Variants in DLG2 observed in about 807,000 individuals in gnomAD.
The protein encoded by DLG2 is discs large MAGUK scaffold protein 2.
Under a neutral mutation model 132.5 loss-of-function variants are expected in DLG2, and 45 were observed. That is an observed-to-expected ratio of 0.34 (90% CI 0.27 to 0.44). The LOEUF is 0.44. Ranked by LOEUF, DLG2 falls within the 20% of genes least tolerant of loss-of-function variation. DLG2 has a pLI of 1.00. For synonymous variants in DLG2, 424 were observed against 419.6 expected, an observed-to-expected ratio of 1.01 and a Z score of -0.13; for missense variants, 1,045 against 1,196.9, an observed-to-expected ratio of 0.87 and a Z score of 1.87.
intron 6 of DLG2, among the ~76,000 whole-genome samples, chr11:85,017,883 G>C (rs1451482787): frequency 1.3e-5 from 2 of 152,136 alleles, no homozygotes; most frequent in Non-Finnish European, 2.9e-5. Flanking sequence ...AGATGTCCAA[G>C]ACACGTTGGA....
At chr11:84,601,529 T>A (rs1227087681) in intron 6 of DLG2, among the ~76,000 whole-genome samples, 2 of 151,954 alleles carry the variant, frequency 1.3e-5, no homozygotes, top group African/African-American at 4.8e-5. Flanking sequence ...GCATGACTTA[T>A]GACAGTGAGA....
intron 14 of DLG2, among the ~76,000 whole-genome samples, chr11:83,959,041 T>C (rs1432367162): frequency 6.6e-6 from 1 of 152,098 alleles, no homozygotes; most frequent in African/African-American, 2.4e-5. Context: ...AGCTTTATTT[T>C]CCAAAAATTG....
intron 6 of DLG2, among the ~76,000 whole-genome samples, chr11:84,780,829 T>C (rs2071619501): frequency 6.6e-6 from 1 of 152,134 alleles, no homozygotes; most frequent in African/African-American, 2.4e-5. Context: ...CTTCCAGGTA[T>C]ATTCATCTTA....
At chr11:84,317,181 C>G in intron 7 of DLG2, 1 of 1,574,694 alleles carries the variant, frequency 6.4e-7, no homozygotes, top group Non-Finnish European at 8.6e-7. Flanking sequence ...TTGGTCAGCT[C>G]TGCACAGAAA....
chr11:84,992,178 GTCT>G (rs2154125873), intron 6 of DLG2, among the ~76,000 whole-genome samples: 2 of 152,116 alleles, frequency 1.3e-5, no homozygotes, highest in East Asian at 3.9e-4. Context: ...TCTTGGGGAA[GTCT>G]TCTCTGAACC....
intron 6 of DLG2, among the ~76,000 whole-genome samples, chr11:85,058,130 A>T (rs1469654024): frequency 1.3e-5 from 2 of 151,538 alleles, no homozygotes; most frequent in African/African-American, 2.4e-5. Context: ...CAATTAATTC[A>T]AATTATTTAC....
chr11:85,065,896 A>G (rs2064844774), intron 6 of DLG2, among the ~76,000 whole-genome samples: 1 of 151,586 alleles, frequency 6.6e-6, no homozygotes, highest in African/African-American at 2.4e-5. Context: ...ATTTAACATC[A>G]CACCTCAAAG....
intron 21 of DLG2, among the ~76,000 whole-genome samples, chr11:83,503,468 T>C (rs967880729): frequency 6.9e-5 from 9 of 129,540 alleles, no homozygotes; most frequent in Middle Eastern, 4.1e-3. Flanking sequence ...CACACACATA[T>C]ATTATTAAGT....
At chr11:83,756,727 T>C (rs1210543749) in intron 18 of DLG2, among the ~76,000 whole-genome samples, 4 of 151,458 alleles carry the variant, frequency 2.6e-5, no homozygotes, top group South Asian at 2.1e-4. Context: ...TGAAAAAATA[T>C]ATAAACAAAT....
At chr11:85,330,792 T>TAAAAAAAAAAAAAAAAAAAAAAAAAATA (rs56995757) in intron 3 of DLG2, among the ~76,000 whole-genome samples, 1 of 116,494 alleles carries the variant, frequency 8.6e-6, no homozygotes, top group Non-Finnish European at 1.8e-5. Flanking sequence ...AAAAAAAAAT[T>TAAAAAAAAAAAAAAAAAAAAAAAAAATA]AAAAAAAAAA....
At chr11:83,649,191 A>T (rs190700668) in intron 18 of DLG2, among the ~76,000 whole-genome samples, 166 of 152,222 alleles carry the variant, frequency 1.1e-3, no homozygotes, top group Middle Eastern at 3.4e-3. Context: ...AAATATACTC[A>T]GGATAGTTAA....
chr11:85,428,330 C>T (rs1026280652), intron 3 of DLG2, among the ~76,000 whole-genome samples: 1 of 152,162 alleles, frequency 6.6e-6, no homozygotes, highest in African/African-American at 2.4e-5. Flanking sequence ...ATACATTCTT[C>T]TCAGCACCAC....
chr11:85,428,522 T>C (rs1221791123), intron 3 of DLG2, among the ~76,000 whole-genome samples: 3 of 152,246 alleles, frequency 2.0e-5, no homozygotes, highest in African/African-American at 7.2e-5. Flanking sequence ...TGCTCCTGTA[T>C]GACTACTGGG....
At chr11:84,134,666 T>C (rs955573819) in intron 9 of DLG2, among the ~76,000 whole-genome samples, 4 of 150,694 alleles carry the variant, frequency 2.7e-5, no homozygotes, top group African/African-American at 9.8e-5. Context: ...ACATGTAGTC[T>C]TGTCTCAAGA....
At chr11:84,153,626 C>A (rs866129775) in intron 9 of DLG2, among the ~76,000 whole-genome samples, 10 of 152,152 alleles carry the variant, frequency 6.6e-5, no homozygotes, top group Non-Finnish European at 2.9e-5. Flanking sequence ...TCAGCTTGGT[C>A]TATTACATTG....
intron 7 of DLG2, among the ~76,000 whole-genome samples, chr11:84,459,929 T>C (rs903995817): frequency 6.8e-4 from 103 of 150,610 alleles, no homozygotes; most frequent in Non-Finnish European, 1.5e-4. Context: ...ATGACAACTG[T>C]CCTTACTTTT....
At position 85,202,404 on chromosome 11, in the gene DLG2, C is replaced by G. The variant is rs150151214; in HGVS notation, c.187-47753G>C. The stretch of plus-strand genomic sequence containing the variant: ...AGCATCCAAATATATAAAGTAAATA[C>G]TAATAGATCTAAGGGAAAAATAAAC... On this transcript the variant is annotated intron_variant, in intron 4 of 27. Transcript: ENST00000376104. Among the ~76,000 whole-genome samples the G allele has an allele frequency of 4.8e-4, 73 of 152,058 alleles. 1 individual carries two copies. Among genetic ancestry groups the G allele is most frequent in the African/African-American group, 1.4e-3 (59 of 41,504 alleles).
chr11:84,781,173 T>G (rs540331588), intron 6 of DLG2, among the ~76,000 whole-genome samples: 1 of 151,994 alleles, frequency 6.6e-6, no homozygotes. Context: ...ACAAGGTATC[T>G]TTTGAATGTA....
chr11:84,250,046 T>G (rs2097351699), intron 8 of DLG2, among the ~76,000 whole-genome samples: 6 of 152,218 alleles, frequency 3.9e-5, no homozygotes, highest in Admixed American at 3.9e-4. Context: ...GGACCGCCAG[T>G]TCTTTTGAGG....
Sources: allele counts gnomAD v4.1 joint callset (sites outside exome capture counted in the v4.1 genomes callset), GRCh38; gene constraint gnomAD v4.1.1; transcripts MANE v1.5; gene names NCBI Gene and HGNC (gene_info 2026-07-23, HGNC 2026-07-21).